The following USP8 variants were observed in gnomAD, a reference collection of about 807,000 sequenced individuals.
The protein encoded by USP8 is ubiquitin carboxyl-terminal hydrolase 8.
A neutral mutation model predicts 130.0 loss-of-function variants in USP8; 27 were observed. The observed-to-expected ratio is 0.21, with a 90% CI of 0.15 to 0.29. The LOEUF (loss-of-function observed/expected upper bound fraction) is 0.29. Ranked by LOEUF, USP8 falls within the 10% of genes least tolerant of loss-of-function variation. The pLI, the probability that USP8 is intolerant of heterozygous loss-of-function variation, is 1.00. For synonymous variants in USP8, 392 were observed against 444.1 expected (o/e 0.88, Z 1.48); for missense variants, 1,029 against 1,312.2 (o/e 0.78, Z 3.33).
chr15:50,441,268 T>G (rs1326832853), intron 2 of USP8, 81 bp from the exon 3 acceptor site: 1 of 1,332,484 alleles, frequency 7.5e-7, no homozygotes, highest in African/African-American at 1.5e-5. Context: ...CTGATAAAGA[T>G]TATCTGTGGA....
chr15:50,496,165 C>A lies in USP8; in HGVS notation c.2895+81C>A, dbSNP rs533884138. 82 of 1,170,992 alleles carry A rather than the reference C, an allele frequency of 7.0e-5. 1 individual carries two copies. Among genetic ancestry groups the A allele is most frequent in the Admixed American group, 1.4e-4 (6 of 44,046 alleles). 72.5% of individuals were successfully genotyped at this position (1,170,992 alleles called of 1,614,324 possible). A position where few individuals can be genotyped will look rare whatever the true frequency, so the allele number is the denominator to read the frequency against. On this transcript the variant is annotated intron_variant, in intron 17 of 19. Coordinates refer to ENST00000307179, the MANE Select transcript of USP8 (RefSeq NM_005154.5). ...GGATATAGAGATGTAAATTTCTGGTCTTTACCCTTACAAACATTTTATCAG... is the reference window on the plus strand; with the variant it reads ...GGATATAGAGATGTAAATTTCTGGTATTTACCCTTACAAACATTTTATCAG...
Position 50,498,285 on chromosome 15 carries a change from T to C in USP8, c.3039-311T>C, listed in dbSNP as rs543361781. 9 of 214,102 alleles carry C rather than the reference T, an allele frequency of 4.2e-5. No homozygotes were observed. In the South Asian group the frequency reaches 1.2e-3, roughly 29 times the overall value. The allele number at this position is 214,102 out of a possible 1,614,324, so 13.3% of individuals were successfully genotyped here. On this transcript the variant is annotated intron_variant, in intron 18 of 19. Transcript: ENST00000307179. ...CTTTCTTTTGTGGTGGTCAGCATTATAAACATGTGGGTCTTACCTTCCTAG... is the reference window on the plus strand; with the variant it reads ...CTTTCTTTTGTGGTGGTCAGCATTACAAACATGTGGGTCTTACCTTCCTAG...
intron 12 of USP8, among the ~76,000 whole-genome samples, chr15:50,488,581 T>G (rs969193363): frequency 3.3e-5 from 4 of 122,934 alleles, no homozygotes; most frequent in Non-Finnish European, 5.1e-5. Flanking sequence ...TTTTTTTTTT[T>G]GGAGATGGAG....
rs185115020 is a variant in USP8 at position 50,439,438 on chromosome 15, G to T, written c.104+261G>T. On this transcript the variant is annotated intron_variant, in intron 2 of 19. Transcript: ENST00000307179. The stretch of plus-strand genomic sequence containing the variant: ...AAGTTTAAGAGGCAAAGATTATGAG[G>T]CTTCTAAAAAAAAATTCAGCCAGAA... Among the ~76,000 whole-genome samples, 4 of 151,986 alleles carry T rather than the reference G, an allele frequency of 2.6e-5. No individual in the cohort carries two copies. In the East Asian group the frequency reaches 7.7e-4, roughly 29 times the overall value.
At chr15:50,452,163 G>A (rs2050648895) in intron 4 of USP8, among the ~76,000 whole-genome samples, 1 of 152,192 alleles carries the variant, frequency 6.6e-6, no homozygotes, top group Non-Finnish European at 1.5e-5. Flanking sequence ...TACTTGTTAA[G>A]CATTTATTTG....
rs766489857 is a variant in USP8 at position 50,493,421 on chromosome 15, A to AAAGTCAAATTAGG, written c.2447+511_2447+523dup. On this transcript the variant is annotated intron_variant, in intron 15 of 19. Transcript: ENST00000307179. ...ATAGTACTTACCACTCAGCTCCAGA[A>AAAGTCAAATTAGG]AAGTCAAATTAGGAAAGGGGAAAAT... The AAAGTCAAATTAGG allele has an allele frequency of 1.9e-5, 10 of 519,080 alleles. No individual in the cohort carries two copies. The East Asian group carries it at 3.8e-4, about 20-fold the overall frequency. 32.2% of individuals were successfully genotyped at this position (519,080 alleles called of 1,614,324 possible).
intron 17 of USP8, among the ~76,000 whole-genome samples, 180 bp downstream of exon 17, chr15:50,496,264 G>C (rs571414874): frequency 2.0e-5 from 3 of 151,974 alleles, no homozygotes; most frequent in African/African-American, 7.3e-5. Context: ...GGCGGATCAC[G>C]AGGTCAGGAG....
chr15:50,435,371 A>G (rs537860230), intron 1 of USP8, among the ~76,000 whole-genome samples: 1 of 152,368 alleles, frequency 6.6e-6, no homozygotes, highest in African/African-American at 2.4e-5. Context: ...CTGTTTATAT[A>G]ACATTTACAT....
chr15:50,474,299 A>C (rs952260417), intron 8 of USP8, among the ~76,000 whole-genome samples: 2 of 152,158 alleles, frequency 1.3e-5, no homozygotes, highest in African/African-American at 4.8e-5. Flanking sequence ...CACCACACCC[A>C]GTCAATTTGT....
chr15:50,427,750 G>A (rs2049790451), intron 1 of USP8, among the ~76,000 whole-genome samples: 1 of 151,668 alleles, frequency 6.6e-6, no homozygotes, highest in Admixed American at 6.6e-5. Flanking sequence ...GTAGAGATGG[G>A]GTTTTGCCAT....
At chr15:50,438,646 A>T (rs1321790273) in intron 1 of USP8, among the ~76,000 whole-genome samples, 1 of 152,204 alleles carries the variant, frequency 6.6e-6, no homozygotes, top group African/African-American at 2.4e-5. Context: ...CAATGAGAAA[A>T]GAGAAATATT....
chr15:50,454,809 C>G (rs2050740587), intron 4 of USP8, among the ~76,000 whole-genome samples: 1 of 152,064 alleles, frequency 6.6e-6, no homozygotes, highest in Non-Finnish European at 1.5e-5. Flanking sequence ...GAGACAATGT[C>G]TCACTCTGTT....
At chr15:50,462,860 A>AT (rs2051056150) in intron 6 of USP8, among the ~76,000 whole-genome samples, 1 of 152,140 alleles carries the variant, frequency 6.6e-6, no homozygotes, top group Admixed American at 6.6e-5. Flanking sequence ...ACTTATTATC[A>AT]TTTATGACTA....
chr15:50,462,181 G>A (rs577790007), intron 5 of USP8, 99 bp from the exon 6 acceptor site: 511 of 1,003,584 alleles, frequency 5.1e-4, no homozygotes, highest in Non-Finnish European at 5.6e-4. Flanking sequence ...TGCACAGTTC[G>A]TTTCTTAGAG....
chr15:50,437,221 C>T (rs1021622418), intron 1 of USP8, among the ~76,000 whole-genome samples: 5 of 152,086 alleles, frequency 3.3e-5, no homozygotes, highest in African/African-American at 1.2e-4. Context: ...AAAATGATCA[C>T]CTGTGCACAT....
In USP8 at chr15:50,500,034, A is replaced by G. The variant is rs1417229794; in HGVS notation, c.*946A>G. The G allele has an allele frequency of 6.6e-6, 1 of 152,154 alleles. No individual in the cohort carries two copies. Among genetic ancestry groups the G allele is most frequent in the Non-Finnish European group, 1.5e-5 (1 of 68,034 alleles). The allele number at this position is 152,154 out of a possible 1,614,324, so 9.4% of individuals were successfully genotyped here. A position where few individuals can be genotyped will look rare whatever the true frequency, so the allele number is the denominator to read the frequency against. On this transcript the variant is annotated 3_prime_UTR_variant, in exon 20 of 20. Coordinates refer to ENST00000307179, the MANE Select transcript of USP8 (RefSeq NM_005154.5). ...TATTAAGAGGGTTAAAGGAGCTTAT[A>G]ATTTATTTAACCGAGGGACTCAGTT...
At chr15:50,466,969 G>A in intron 7 of USP8, 1 of 474,504 alleles carries the variant, frequency 2.1e-6, no homozygotes, top group Non-Finnish European at 3.9e-6. Context: ...TCTAAGACAT[G>A]GGATCATTTC....
At chr15:50,448,706 C>A (rs1021209297) in intron 3 of USP8, among the ~76,000 whole-genome samples, 11 of 151,868 alleles carry the variant, frequency 7.2e-5, no homozygotes, top group Non-Finnish European at 1.6e-4. Flanking sequence ...TTTTAGTAGA[C>A]ATGGGGTTTC....
chr15:50,461,476 AG>A (rs1220274722), intron 5 of USP8, among the ~76,000 whole-genome samples: 2 of 140,242 alleles, frequency 1.4e-5, no homozygotes, highest in African/African-American at 5.2e-5. Flanking sequence ...AAAAAAAAAA[AG>A]GTCTAAGTGG....
Sources: gnomAD v4.1 joint callset for allele counts (sites outside exome capture counted in the v4.1 genomes callset) on GRCh38, gnomAD v4.1.1 for gene constraint, MANE v1.5 for transcripts, NCBI Gene and HGNC (gene_info 2026-07-23, HGNC 2026-07-21) for gene names.